Variants in SH3BP5 observed in about 807,000 individuals in gnomAD.
SH3BP5 encodes the protein SH3 domain-binding protein 5.
SH3BP5 carries 22 observed loss-of-function variants against 43.3 expected under a neutral mutation model. That is an observed-to-expected ratio of 0.51 (90% CI 0.36 to 0.73). The LOEUF is 0.73. Among genes scored for constraint, SH3BP5 ranks in the 30% least tolerant of loss-of-function variants. SH3BP5 has a pLI of 0.00. For synonymous variants in SH3BP5, 255 were observed against 225.8 expected, an observed-to-expected ratio of 1.13 and a Z score of -1.16; for missense variants, 529 against 586.9, an observed-to-expected ratio of 0.90 and a Z score of 1.02.
At chr3:15,257,141 T>G (rs761095003) in intron 7 of SH3BP5, 28 bp from the exon 8 acceptor site, 2 of 1,604,980 alleles carry the variant, frequency 1.2e-6, no homozygotes, top group African/African-American at 2.7e-5. Context: ...ACCAGTCACA[T>G]GGGTTCTGTC....
intron 2 of SH3BP5, among the ~76,000 whole-genome samples, chr3:15,323,396 G>C (rs540196399): frequency 6.6e-6 from 1 of 152,284 alleles, no homozygotes; most frequent in South Asian, 2.1e-4. Context: ...TGGCCCCAGT[G>C]GACATCTCAT....
Position 15,257,130 on chromosome 3 carries a change from C to T in SH3BP5, c.890-17G>A, listed in dbSNP as rs1254460116. The T allele has an allele frequency of 6.2e-6, 10 of 1,609,394 alleles. No individual in the cohort carries two copies. Among genetic ancestry groups the T allele is most frequent in the African/African-American group, 1.3e-5 (1 of 74,856 alleles). ...CCGAGGCCACTAAGTTGAGAGAGAA[C>T]ACCAGTCACATGGGTTCTGTCACCT... On this transcript the variant is annotated splice_polypyrimidine_tract_variant and intron_variant, in intron 7 of 8. Transcript: ENST00000383791.
At chr3:15,277,431 G>C (rs895197714) in intron 3 of SH3BP5, among the ~76,000 whole-genome samples, 1 of 152,180 alleles carries the variant, frequency 6.6e-6, no homozygotes, top group Non-Finnish European at 1.5e-5. Context: ...GAGGGTATAA[G>C]ATTTGCAGAG....
At chr3:15,307,344 C>T (rs1375045002) in intron 2 of SH3BP5, among the ~76,000 whole-genome samples, 1 of 152,216 alleles carries the variant, frequency 6.6e-6, no homozygotes, top group Non-Finnish European at 1.5e-5. Flanking sequence ...AGAAGCCCCA[C>T]AGAGCTTCTA....
Position 15,296,178 on chromosome 3 carries a change from A to G in SH3BP5, c.330+7925T>C, listed in dbSNP as rs193028508. 2.8e-3 allele frequency among the ~76,000 whole-genome samples: 426 copies of G among 152,318 alleles called. 2 individuals are homozygous for G. The Middle Eastern group carries it at 0.034, about 12-fold the overall frequency. On this transcript the variant is annotated intron_variant, in intron 3 of 8. Transcript: ENST00000383791. ...AGAACTGATTGTATTTACCTCTGCC[A>G]TAACACCACCTTCAAGAAGATGGGG...
intron 3 of SH3BP5, among the ~76,000 whole-genome samples, chr3:15,297,147 T>A (rs771035185): frequency 6.6e-6 from 1 of 152,176 alleles, no homozygotes; most frequent in East Asian, 1.9e-4. Flanking sequence ...CGATTCTCCA[T>A]CCATTCAAGG....
upstream of SH3BP5, among the ~76,000 whole-genome samples, chr3:15,337,086 T>G (rs1252374077): frequency 5.4e-5 from 7 of 130,454 alleles, no homozygotes; most frequent in South Asian, 2.9e-4. Flanking sequence ...TTAGTTTAGT[T>G]TTTTTTTTTT....
At chr3:15,296,602 A>G (rs898084153) in intron 3 of SH3BP5, among the ~76,000 whole-genome samples, 2 of 152,142 alleles carry the variant, frequency 1.3e-5, no homozygotes, top group Admixed American at 1.3e-4. Context: ...ACAGACATGT[A>G]AAGTAATAAC....
At chr3:15,320,017 C>G (rs1472472042) in intron 2 of SH3BP5, among the ~76,000 whole-genome samples, 1 of 152,114 alleles carries the variant, frequency 6.6e-6, no homozygotes, top group Non-Finnish European at 1.5e-5. Context: ...AAAAACACCC[C>G]CTTTCTTCTT....
intron 3 of SH3BP5, among the ~76,000 whole-genome samples, chr3:15,300,385 CTG>C (rs1374105914): frequency 6.6e-6 from 1 of 152,130 alleles, no homozygotes; most frequent in Non-Finnish European, 1.5e-5. Context: ...TGCAGGGACT[CTG>C]GGGACGCAGT....
At chr3:15,274,175 G>A (rs188698142) in intron 3 of SH3BP5, among the ~76,000 whole-genome samples, 185 of 152,200 alleles carry the variant, frequency 1.2e-3, no homozygotes, top group Non-Finnish European at 2.4e-3. Context: ...GAACCCAGGA[G>A]GCGGAGGTTG....
At chr3:15,293,367 G>A (rs1697467705) in intron 3 of SH3BP5, among the ~76,000 whole-genome samples, 2 of 152,250 alleles carry the variant, frequency 1.3e-5, no homozygotes, top group Non-Finnish European at 2.9e-5. Flanking sequence ...AGGCAGGCAA[G>A]TGGCTCTGCA....
At chr3:15,291,746 G>A (rs1300600407) in intron 3 of SH3BP5, among the ~76,000 whole-genome samples, 2 of 152,222 alleles carry the variant, frequency 1.3e-5, no homozygotes, top group African/African-American at 2.4e-5. Context: ...CAGGTTGGAA[G>A]CAGGGTATTC....
chr3:15,333,028 G>A, upstream of SH3BP5: 1 of 935,564 alleles, frequency 1.1e-6, no homozygotes, highest in South Asian at 4.9e-5. Flanking sequence ...ATGCATTGCC[G>A]AAGGCTGCGG....
chr3:15,296,718 G>A (rs1219823019), intron 3 of SH3BP5, among the ~76,000 whole-genome samples: 7 of 91,586 alleles, frequency 7.6e-5, no homozygotes, highest in African/African-American at 5.5e-4. Flanking sequence ...TTTTGAGACA[G>A]GGTCTCACTC....
At chr3:15,299,174 G>A (rs921310204) in intron 3 of SH3BP5, among the ~76,000 whole-genome samples, 2 of 152,202 alleles carry the variant, frequency 1.3e-5, no homozygotes, top group Admixed American at 6.5e-5. Context: ...CATGGGCTCC[G>A]CCCTCATCAG....
intron 1 of SH3BP5, among the ~76,000 whole-genome samples, chr3:15,338,675 G>A (rs933951030): frequency 2.6e-5 from 4 of 151,970 alleles, no homozygotes; most frequent in African/African-American, 9.7e-5. Context: ...TCATGCATGG[G>A]TGCGCAGCCA....
intron 3 of SH3BP5, among the ~76,000 whole-genome samples, chr3:15,274,842 C>T (rs1251492264): frequency 6.6e-6 from 1 of 152,202 alleles, no homozygotes; most frequent in Non-Finnish European, 1.5e-5. Context: ...GTGTGAGCCG[C>T]CACACCCAGT....
At chr3:15,335,669 A>G (rs1208290336), upstream of SH3BP5, among the ~76,000 whole-genome samples, 1 of 152,224 alleles carries the variant, frequency 6.6e-6, no homozygotes, top group African/African-American at 2.4e-5. Flanking sequence ...TACAGGGGAC[A>G]TAAGCATCTC....
Sources: allele counts gnomAD v4.1 joint callset (sites outside exome capture counted in the v4.1 genomes callset), GRCh38; gene constraint gnomAD v4.1.1; transcripts MANE v1.5; gene names NCBI Gene and HGNC (gene_info 2026-07-23, HGNC 2026-07-21).